C2orf76: variants seen among roughly 807,000 people sequenced by gnomAD.
The protein encoded by C2orf76 is UPF0538 protein C2orf76.
Under a neutral mutation model 16.9 loss-of-function variants are expected in C2orf76, and 23 were observed. The ratio of observed to expected loss-of-function variants is 1.36; its 90% confidence interval spans 0.98 to 1.93. C2orf76 has a LOEUF of 1.93. C2orf76 is among the 30% of genes most tolerant of loss of function. The pLI is 0.00. For missense variants in C2orf76, 152 were observed against 152.6 expected (o/e 1.00, Z 0.02); for synonymous variants, 48 against 52.3 (o/e 0.92, Z 0.35).
chr2:119,286,870 C>G, the C2orf76 span, among the ~76,000 whole-genome samples: 4 of 152,116 alleles, frequency 2.6e-5, no homozygotes, highest in Non-Finnish European at 5.9e-5. Flanking sequence ...TCCAGCAATT[C>G]TGAGCTGACT....
At chr2:119,345,040 A>G (rs2104615620) in intron 1 of C2orf76, among the ~76,000 whole-genome samples, 1 of 152,358 alleles carries the variant, frequency 6.6e-6, no homozygotes, top group South Asian at 2.1e-4. Flanking sequence ...ATATTTAACT[A>G]TAAAATCATG....
intron 2 of C2orf76, chr2:119,338,942 A>T (rs1468090364): frequency 6.6e-6 from 1 of 152,216 alleles, no homozygotes; most frequent in Non-Finnish European, 1.5e-5. Context: ...AACTGGGGCT[A>T]ATGAGAAGTC....
At chr2:119,360,648 C>T (rs1039813250) in intron 1 of C2orf76, among the ~76,000 whole-genome samples, 1 of 152,130 alleles carries the variant, frequency 6.6e-6, no homozygotes, top group Non-Finnish European at 1.5e-5. Flanking sequence ...TGGTCTGTGA[C>T]CAAACCTGCA....
At chr2:119,347,086 C>T (rs1054677926) in intron 1 of C2orf76, among the ~76,000 whole-genome samples, 8 of 152,154 alleles carry the variant, frequency 5.3e-5, no homozygotes, top group South Asian at 2.1e-4. Context: ...GTAAGACTGA[C>T]GGGGAACTTC....
chr2:119,350,054 C>T (rs1014739820), intron 1 of C2orf76, among the ~76,000 whole-genome samples: 3 of 112,044 alleles, frequency 2.7e-5, no homozygotes, highest in Non-Finnish European at 3.9e-5. Flanking sequence ...TGAGCCACCA[C>T]GCCCCGCCCA....
At chr2:119,335,794 C>A (rs1679827560) in intron 2 of C2orf76, among the ~76,000 whole-genome samples, 1 of 152,184 alleles carries the variant, frequency 6.6e-6, no homozygotes. Flanking sequence ...TAAAATCACT[C>A]TGTGCCTCTG....
the C2orf76 span, among the ~76,000 whole-genome samples, chr2:119,281,267 C>G: frequency 1.3e-5 from 2 of 152,006 alleles, no homozygotes; most frequent in African/African-American, 4.8e-5. Context: ...GCTCCTCTCC[C>G]TCCTCCCAAC....
intron 2 of C2orf76, among the ~76,000 whole-genome samples, chr2:119,334,087 C>T (rs1679761235): frequency 6.6e-6 from 1 of 152,066 alleles, no homozygotes. Context: ...GCCACTGTGC[C>T]TGACCCCTTC....
At chr2:119,307,479 C>T (rs1233030762) in intron 5 of C2orf76, among the ~76,000 whole-genome samples, 3 of 151,650 alleles carry the variant, frequency 2.0e-5, no homozygotes, top group Non-Finnish European at 4.4e-5. Flanking sequence ...ATCATTTTCA[C>T]AACTCAATTC....
At chr2:119,301,484 G>A (rs116210006), downstream of C2orf76, among the ~76,000 whole-genome samples, 1,586 of 152,116 alleles carry the variant, frequency 0.01, 24 homozygotes, top group African/African-American at 0.035. Context: ...TGGCAGAGCC[G>A]GCTAAGCCCT....
chr2:119,307,191 G>A (rs1008759881), intron 5 of C2orf76, among the ~76,000 whole-genome samples: 1 of 152,142 alleles, frequency 6.6e-6, no homozygotes, highest in African/African-American at 2.4e-5. Flanking sequence ...TATAATCCCA[G>A]CACTTTGGGA....
At chr2:119,359,851 C>T (rs930277547) in intron 1 of C2orf76, among the ~76,000 whole-genome samples, 3 of 152,130 alleles carry the variant, frequency 2.0e-5, no homozygotes, top group East Asian at 3.9e-4. Context: ...ACAAAAAAAG[C>T]GTTTAGAATA....
intron 2 of C2orf76, among the ~76,000 whole-genome samples, chr2:119,333,232 G>A (rs763681271): frequency 2.0e-5 from 3 of 152,164 alleles, no homozygotes; most frequent in Admixed American, 6.5e-5. Context: ...GAGGCTTCAA[G>A]GGACGGGTTC....
chr2:119,286,189 G>A, the C2orf76 span, among the ~76,000 whole-genome samples: 7 of 136,088 alleles, frequency 5.1e-5, no homozygotes, highest in East Asian at 6.4e-4. Flanking sequence ...TCATGCCGCC[G>A]CACTCCAGCC....
intron 1 of C2orf76, among the ~76,000 whole-genome samples, chr2:119,350,418 A>G (rs1227733396): frequency 6.6e-6 from 1 of 152,176 alleles, no homozygotes; most frequent in East Asian, 1.9e-4. Flanking sequence ...CTCCCTGCCT[A>G]AAAAACCTGT....
At chr2:119,330,314 T>C (rs932692787) in intron 2 of C2orf76, among the ~76,000 whole-genome samples, 2 of 151,342 alleles carry the variant, frequency 1.3e-5, no homozygotes, top group African/African-American at 4.9e-5. Context: ...GAGGCAGAGG[T>C]TGCAGTGAGC....
rs553171323 is a variant in C2orf76 at position 119,351,995 on chromosome 2, C to T, written c.-12-12024G>A. ...CCTGGTATATATGCCTTATGGTATTCGAAGAAAGCATCTTCTTGACTTTTT... is the reference window on the plus strand; with the variant it reads ...CCTGGTATATATGCCTTATGGTATTTGAAGAAAGCATCTTCTTGACTTTTT... On this transcript the variant is annotated intron_variant, in intron 1 of 5. Transcript: ENST00000334816. 1.4e-3 allele frequency among the ~76,000 whole-genome samples: 208 copies of T among 152,232 alleles called. 1 individual carries two copies. Among genetic ancestry groups the T allele is most frequent in the African/African-American group, 4.8e-3 (200 of 41,526 alleles).
chr2:119,314,653 C>T (rs1180470080), intron 4 of C2orf76, among the ~76,000 whole-genome samples: 1 of 152,136 alleles, frequency 6.6e-6, no homozygotes, highest in African/African-American at 2.4e-5. Flanking sequence ...TAATTACTCT[C>T]ATTTCTCTTT....
At chr2:119,315,771 T>A (rs376623710) in intron 4 of C2orf76, among the ~76,000 whole-genome samples, 4 of 152,316 alleles carry the variant, frequency 2.6e-5, no homozygotes, top group South Asian at 2.1e-4. Flanking sequence ...AAATACATTG[T>A]TCAACTGGAA....
Sources: gnomAD v4.1 joint callset for allele counts (sites outside exome capture counted in the v4.1 genomes callset) on GRCh38, gnomAD v4.1.1 for gene constraint, MANE v1.5 for transcripts, NCBI Gene and HGNC (gene_info 2026-07-23, HGNC 2026-07-21) for gene names.